BRI3: variants seen among roughly 807,000 people sequenced by gnomAD.
BRI3 encodes the protein brain protein I3.
Under a neutral mutation model 12.8 loss-of-function variants are expected in BRI3, and 6 were observed. That is an observed-to-expected ratio of 0.47 (90% CI 0.26 to 0.93). The LOEUF (loss-of-function observed/expected upper bound fraction) is 0.93, where lower values mean the gene tolerates loss of function less well. Ranked by LOEUF, BRI3 falls within the 40% of genes least tolerant of loss-of-function variation. The pLI, the probability that BRI3 is intolerant of heterozygous loss-of-function variation, is 0.15. For synonymous variants in BRI3, 91 were observed against 76.1 expected, an observed-to-expected ratio of 1.20 and a Z score of -1.02; for missense variants, 134 against 171.1, an observed-to-expected ratio of 0.78 and a Z score of 1.21.
chr7:98,291,938 G>T (rs974507882), downstream of BRI3: 4 of 152,926 alleles, frequency 2.6e-5, no homozygotes, highest in Non-Finnish European at 5.8e-5. Context: ...TGTGGCTGAA[G>T]TGGGGAACAC....
At chr7:98,301,315 C>A (rs1161589971) in intron 1 of BRI3, among the ~76,000 whole-genome samples, 1 of 152,190 alleles carries the variant, frequency 6.6e-6, no homozygotes, top group African/African-American at 2.4e-5. Flanking sequence ...GCAGTCAGCA[C>A]TCAAACACGT....
At chr7:98,310,970 G>A (rs1800848390), downstream of BRI3, among the ~76,000 whole-genome samples, 1 of 152,116 alleles carries the variant, frequency 6.6e-6, no homozygotes, top group Non-Finnish European at 1.5e-5. Context: ...ACAGGTGTGA[G>A]CCACCATGAC....
chr7:98,294,690 G>A (rs1294636510), downstream of BRI3, among the ~76,000 whole-genome samples: 1 of 152,232 alleles, frequency 6.6e-6, no homozygotes, highest in Non-Finnish European at 1.5e-5. Flanking sequence ...TAGTGACTGG[G>A]ATGTGCTTTT....
At chr7:98,302,714 G>C (rs542066953), upstream of BRI3, among the ~76,000 whole-genome samples, 4 of 152,284 alleles carry the variant, frequency 2.6e-5, no homozygotes, top group South Asian at 8.3e-4. Flanking sequence ...GCTAGAAAAG[G>C]CCTCACGAGC....
intron 2 of BRI3, among the ~76,000 whole-genome samples, chr7:98,289,253 T>C (rs1322319999): frequency 1.3e-5 from 2 of 152,202 alleles, no homozygotes; most frequent in Non-Finnish European, 2.9e-5. Context: ...CCACTGCACT[T>C]TGCAACTTTT....
At chr7:98,309,071 G>A (rs1404542100) in exon 2 of BRI3, 2 of 151,418 alleles carry the variant, frequency 1.3e-5, no homozygotes, top group Admixed American at 6.6e-5. Context: ...CTTTATTCTT[G>A]CAGATTCTTC....
downstream of BRI3, among the ~76,000 whole-genome samples, chr7:98,296,791 T>A (rs1302482194): frequency 1.3e-5 from 2 of 152,204 alleles, no homozygotes; most frequent in African/African-American, 4.8e-5. Context: ...TGCCTCCCTC[T>A]CCACTGCAAA....
chr7:98,290,205 T>C (rs1325040685), intron 2 of BRI3, among the ~76,000 whole-genome samples: 14 of 89,814 alleles, frequency 1.6e-4, no homozygotes, highest in African/African-American at 3.6e-4. Flanking sequence ...TTTTTTTTTT[T>C]TGAGACGGAG....
At chr7:98,321,064 G>A in the BRI3 span, among the ~76,000 whole-genome samples, 1 of 151,870 alleles carries the variant, frequency 6.6e-6, no homozygotes, top group African/African-American at 2.4e-5. Flanking sequence ...TCACCATGTT[G>A]CCCAGGTTGG....
upstream of BRI3, chr7:98,306,313 TC>T: frequency 8.6e-7 from 1 of 1,161,528 alleles, no homozygotes. Flanking sequence ...CGGTCTCATC[TC>T]TGACTAGTCC....
At chr7:98,294,157 T>C (rs769545835), downstream of BRI3, 3 of 1,597,218 alleles carry the variant, frequency 1.9e-6, no homozygotes, top group Non-Finnish European at 2.6e-6. Context: ...GAATTGGTCT[T>C]TTAAAAATTA....
At chr7:98,284,008 C>T (rs1224194294) in intron 2 of BRI3, among the ~76,000 whole-genome samples, 1 of 152,230 alleles carries the variant, frequency 6.6e-6, no homozygotes, top group Non-Finnish European at 1.5e-5. Flanking sequence ...CCCATGGCTT[C>T]CGCTAACCTG....
At chr7:98,315,614 T>TA in the BRI3 span, 17,161 of 751,194 alleles carry the variant, frequency 0.023, 22 homozygotes, top group Admixed American at 0.058. Context: ...CTCCACATAC[T>TA]AAAAAAAAAA....
chr7:98,315,292 T>C (rs2116887579), downstream of BRI3, among the ~76,000 whole-genome samples: 1 of 152,276 alleles, frequency 6.6e-6, no homozygotes, highest in Non-Finnish European at 1.5e-5. Context: ...TGGCTAGTTT[T>C]TTTTTTATTA....
chr7:98,307,607 C>T (rs1368902204), exon 2 of BRI3: 2 of 1,572,312 alleles, frequency 1.3e-6, no homozygotes, highest in Non-Finnish European at 1.7e-6. Flanking sequence ...TGAGCATGTC[C>T]ACGAAGACAG....
At chr7:98,283,634 C>T (rs1249069420) in intron 2 of BRI3, among the ~76,000 whole-genome samples, 1 of 152,156 alleles carries the variant, frequency 6.6e-6, no homozygotes, top group African/African-American at 2.4e-5. Context: ...AGTGTGAAGG[C>T]ACATGGAGGG....
upstream of BRI3, chr7:98,306,347 G>C (rs1271725743): frequency 5.5e-6 from 8 of 1,461,002 alleles, no homozygotes; most frequent in African/African-American, 1.4e-5. Flanking sequence ...GCTTAGGGCA[G>C]GGCCTGCGAC....
At chr7:98,287,361 C>T (rs1051021450) in intron 2 of BRI3, among the ~76,000 whole-genome samples, 11 of 152,360 alleles carry the variant, frequency 7.2e-5, no homozygotes, top group East Asian at 3.9e-4. Context: ...GTGGCACAAA[C>T]GGCCCAGCCC....
chr7:98,293,088 G>T (rs970425096), downstream of BRI3: 19 of 561,120 alleles, frequency 3.4e-5, no homozygotes, highest in Non-Finnish European at 4.2e-5. Context: ...GCAAACTTAC[G>T]TGATATCTTC....
Sources: gnomAD v4.1 joint callset for allele counts (sites outside exome capture counted in the v4.1 genomes callset) on GRCh38, gnomAD v4.1.1 for gene constraint, MANE v1.5 for transcripts, NCBI Gene and HGNC (gene_info 2026-07-23, HGNC 2026-07-21) for gene names.